MTTP: variants seen among roughly 807,000 people sequenced by gnomAD.
MTTP encodes microsomal triglyceride transfer protein large subunit.
A neutral mutation model predicts 90.6 loss-of-function variants in MTTP; 49 were observed. The ratio of observed to expected loss-of-function variants is 0.54; its 90% confidence interval spans 0.43 to 0.69. The LOEUF (loss-of-function observed/expected upper bound fraction) is 0.69. Among genes scored for constraint, MTTP ranks in the 30% least tolerant of loss-of-function variants. MTTP has a pLI of 0.00. For missense variants in MTTP, 945 were observed against 1,067.5 expected, an observed-to-expected ratio of 0.89 and a Z score of 1.60; for synonymous variants, 347 against 384.2, an observed-to-expected ratio of 0.90 and a Z score of 1.13.
intron 1 of MTTP, among the ~76,000 whole-genome samples, chr4:99,579,626 C>T (rs1228742337): frequency 1.3e-5 from 2 of 152,148 alleles, no homozygotes; most frequent in African/African-American, 4.8e-5. Context: ...TACTATATAA[C>T]TTGCTTATGT....
intron 11 of MTTP, among the ~76,000 whole-genome samples, chr4:99,608,365 A>C (rs1725869622): frequency 6.6e-6 from 1 of 152,196 alleles, no homozygotes; most frequent in African/African-American, 2.4e-5. Context: ...GAATCACTTG[A>C]ACCTGGGAAG....
rs770281285 is a variant in MTTP, at chr4:99,611,176, C to T, written c.1803C>T (p.Val601=). The change falls in exon 13 of 18, where the codon GTC becomes GTT. Residue 601 remains valine, a synonymous_variant. Transcript: ENST00000265517. ...TCCGTCGAGTTCTGAAGGAAATGGT[C>T]GCTCACAATTATGACCGTTTCTCCA... ...KIVRRVLKEM[V]AHNYDRFSRS... 1.7e-5 allele frequency: 28 copies of T among 1,613,782 alleles called. No homozygotes were observed. Among genetic ancestry groups the T allele is most frequent in the Non-Finnish European group, 2.1e-5 (25 of 1,179,950 alleles).
upstream of MTTP, among the ~76,000 whole-genome samples, chr4:99,571,881 T>A (rs1485808115): frequency 2.0e-5 from 3 of 151,910 alleles, no homozygotes; most frequent in Non-Finnish European, 4.4e-5. Flanking sequence ...TAACTTAAAG[T>A]GTCCTTCTAA....
chr4:99,623,575 T>G lies in MTTP; in HGVS notation c.*727T>G, dbSNP rs2110240170. The G allele has an allele frequency of 6.6e-6, 1 of 152,492 alleles. No individual in the cohort carries two copies. Among genetic ancestry groups the G allele is most frequent in the South Asian group, 2.1e-4 (1 of 4,826 alleles). The allele number at this position is 152,492 out of a possible 1,614,324, so 9.4% of individuals were successfully genotyped here. ...CCTAGCACAGAGGAATCAGGAAAATTAATTTCAGAAACTCCATTTGATTTT... is the reference window on the plus strand; with the variant it reads ...CCTAGCACAGAGGAATCAGGAAAATGAATTTCAGAAACTCCATTTGATTTT... On this transcript the variant is annotated 3_prime_UTR_variant, in exon 18 of 18. Transcript: ENST00000265517.
At chr4:99,586,830 C>T (rs1725270072) in intron 3 of MTTP, among the ~76,000 whole-genome samples, 1 of 151,930 alleles carries the variant, frequency 6.6e-6, no homozygotes, top group Non-Finnish European at 1.5e-5. Context: ...GGAAACTGGC[C>T]CCTCATATTT....
At chr4:99,620,014 C>G (rs879469905) in intron 16 of MTTP, among the ~76,000 whole-genome samples, 1 of 152,160 alleles carries the variant, frequency 6.6e-6, no homozygotes, top group Non-Finnish European at 1.5e-5. Flanking sequence ...AAATCAACAA[C>G]AGCAACAACA....
Position 99,589,759 on chromosome 4 carries a change from C to A in MTTP, c.501+9C>A. ...CTGGAACCACCAATGAGGTACTTAC[C>A]AATATTAATAAGGATTCAGCATCTC... On this transcript the variant is annotated intron_variant, in intron 4 of 17. Transcript: ENST00000265517. The A allele has an allele frequency of 6.8e-7, 1 of 1,470,338 alleles. No individual in the cohort carries two copies. Among genetic ancestry groups the A allele is most frequent in the Admixed American group, 1.7e-5 (1 of 59,818 alleles). The allele number at this position is 1,470,338 out of a possible 1,614,324, so 91.1% of individuals were successfully genotyped here.
intron 15 of MTTP, among the ~76,000 whole-genome samples, chr4:99,618,315 A>C (rs1726146271): frequency 6.6e-6 from 1 of 151,976 alleles, no homozygotes; most frequent in African/African-American, 2.4e-5. Context: ...GGACAAACAC[A>C]CTCCACTGGG....
At chr4:99,568,269 CA>C (rs1255295250) in intron 1 of MTTP, among the ~76,000 whole-genome samples, 1 of 151,650 alleles carries the variant, frequency 6.6e-6, no homozygotes, top group Non-Finnish European at 1.5e-5. Context: ...AAAAACATAC[CA>C]AAAAAAGACG....
intron 15 of MTTP, among the ~76,000 whole-genome samples, chr4:99,618,430 C>T (rs1726148823): frequency 1.3e-5 from 2 of 152,296 alleles, no homozygotes; most frequent in South Asian, 4.1e-4. Context: ...TCACCTGATC[C>T]AAACCTCCTC....
At chr4:99,600,239 T>C (rs1224772754) in intron 8 of MTTP, among the ~76,000 whole-genome samples, 1 of 152,130 alleles carries the variant, frequency 6.6e-6, no homozygotes, top group Non-Finnish European at 1.5e-5. Context: ...AGGAAAGAAT[T>C]TGAACTTAAT....
At chr4:99,583,559 A>T (rs1391092566) in intron 3 of MTTP, 42 bp downstream of exon 3, 1 of 1,611,018 alleles carries the variant, frequency 6.2e-7, no homozygotes. Flanking sequence ...CTCCAACTTC[A>T]TATTTTTCTT....
At position 99,618,312 on chromosome 4, in the gene MTTP, C is replaced by A. The variant is rs371858692; in HGVS notation, c.2218-662C>A. Reference sequence around the variant, plus strand: ...TTCCCCTTGGATACTAACGGACAAACACACTCCACTGGGAGTTTTAAATCT... The same window carrying A: ...TTCCCCTTGGATACTAACGGACAAAAACACTCCACTGGGAGTTTTAAATCT... On this transcript the variant is annotated intron_variant, in intron 15 of 17. Transcript: ENST00000265517. 9.2e-5 allele frequency among the ~76,000 whole-genome samples: 14 copies of A among 152,250 alleles called. 1 individual carries two copies. In the East Asian group the frequency reaches 2.7e-3, roughly 29 times the overall value.
intron 10 of MTTP, among the ~76,000 whole-genome samples, chr4:99,602,296 CT>C (rs1298793000): frequency 6.6e-6 from 1 of 152,034 alleles, no homozygotes; most frequent in Admixed American, 6.6e-5. Flanking sequence ...ATTTTCACGT[CT>C]TTCTTATTAA....
intron 1 of MTTP, among the ~76,000 whole-genome samples, chr4:99,567,687 T>G (rs1466854245): frequency 6.6e-6 from 1 of 151,970 alleles, no homozygotes; most frequent in African/African-American, 2.4e-5. Context: ...CTACTGAAAG[T>G]AGAATCCAAA....
At chr4:99,613,198 T>C in intron 15 of MTTP, 58 bp downstream of exon 15, 1 of 1,420,138 alleles carries the variant, frequency 7.0e-7, no homozygotes, top group South Asian at 1.2e-5. Flanking sequence ...AGGCACGTTT[T>C]AAATATGCTT....
At chr4:99,577,605 C>CAAAAAAAAAAAAAAAAA (rs10605949) in intron 1 of MTTP, among the ~76,000 whole-genome samples, 20 of 101,276 alleles carry the variant, frequency 2.0e-4, no homozygotes, top group East Asian at 6.5e-4. Flanking sequence ...AACTCTGTTT[C>CAAAAAAAAAAAAAAAAA]AAAAAAAAAA....
rs369526713 is a variant in MTTP at position 99,611,444 on chromosome 4, C to T, written c.1980C>T (p.His660=). ...IFQYIGKAGL[H]GSQVVIEAQG... ...AGTACATTGGGAAGGCTGGTCTTCA[C>T]GGTAGCCAGGTAACTCACTTCTCAT... Residue 660 remains histidine (H), a synonymous_variant, in exon 14 of 18, where the codon CAC becomes CAT. Coordinates refer to ENST00000265517, the MANE Select transcript of MTTP (RefSeq NM_001386140.1). The T allele has an allele frequency of 2.1e-5, 34 of 1,614,012 alleles. No individual in the cohort carries two copies. Among genetic ancestry groups the T allele is most frequent in the African/African-American group, 1.1e-4 (8 of 75,020 alleles).
chr4:99,573,182 C>T (rs1355675058), upstream of MTTP, among the ~76,000 whole-genome samples: 1 of 152,094 alleles, frequency 6.6e-6, no homozygotes, highest in African/African-American at 2.4e-5. Context: ...AATGAAAATA[C>T]ATAAGGACAG....
Sources: allele counts gnomAD v4.1 joint callset (sites outside exome capture counted in the v4.1 genomes callset), GRCh38; gene constraint gnomAD v4.1.1; transcripts MANE v1.5; gene names NCBI Gene and HGNC (gene_info 2026-07-23, HGNC 2026-07-21).